IPO8: variants seen among roughly 807,000 people sequenced by gnomAD.
IPO8 encodes the protein importin-8.
A neutral mutation model predicts 141.2 loss-of-function variants in IPO8; 65 were observed. The ratio of observed to expected loss-of-function variants is 0.46; its 90% CI spans 0.38 to 0.57. The LOEUF (loss-of-function observed/expected upper bound fraction) is 0.57, where lower values mean the gene tolerates loss of function less well. Ranked by LOEUF, IPO8 falls within the 20% of genes least tolerant of loss-of-function variation. The pLI is 0.00. For synonymous variants in IPO8, 411 were observed against 420.3 expected, an observed-to-expected ratio of 0.98 and a Z score of 0.27; for missense variants, 980 against 1,246.8, an observed-to-expected ratio of 0.79 and a Z score of 3.22.
intron 11 of IPO8, 52 bp from the exon 12 acceptor site, chr12:30,665,897 T>C (rs772533838): frequency 8.3e-5 from 101 of 1,220,094 alleles, no homozygotes; most frequent in Non-Finnish European, 1.1e-4. Flanking sequence ...ATTGTCTTAC[T>C]ATAGTATTAA....
intron 1 of IPO8, among the ~76,000 whole-genome samples, chr12:30,693,422 A>G (rs1324930857): frequency 6.6e-6 from 1 of 152,242 alleles, no homozygotes; most frequent in Non-Finnish European, 1.5e-5. Flanking sequence ...GCTGTGGTGC[A>G]GAAGCTGCTT....
At chr12:30,682,941 C>G (rs1448556247) in intron 3 of IPO8, among the ~76,000 whole-genome samples, 1 of 151,924 alleles carries the variant, frequency 6.6e-6, no homozygotes, top group Admixed American at 6.6e-5. Context: ...CACAGAGAAC[C>G]GTCCCGTAAT....
chr12:30,646,088 T>A (rs1329527656), intron 20 of IPO8, among the ~76,000 whole-genome samples: 2 of 152,196 alleles, frequency 1.3e-5, no homozygotes, highest in African/African-American at 4.8e-5. Flanking sequence ...ATATATATTA[T>A]GCACATAGAC....
intron 2 of IPO8, among the ~76,000 whole-genome samples, chr12:30,690,058 T>G (rs2053276967): frequency 6.6e-6 from 1 of 152,238 alleles, no homozygotes; most frequent in African/African-American, 2.4e-5. Context: ...AACATAGTCC[T>G]GCTCCGCAGT....
intron 20 of IPO8, among the ~76,000 whole-genome samples, chr12:30,647,112 A>AT (rs1449999635): frequency 6.6e-6 from 1 of 152,232 alleles, no homozygotes; most frequent in Non-Finnish European, 1.5e-5. Context: ...ATAAGAACAG[A>AT]TAAGTACATA....
At chr12:30,634,400 C>A in intron 22 of IPO8, 114 bp from the exon 23 acceptor site, 1 of 747,582 alleles carries the variant, frequency 1.3e-6, no homozygotes. Flanking sequence ...AAAAATCTTC[C>A]ACAAAATTTT....
At chr12:30,641,777 T>C (rs1591823499) in intron 20 of IPO8, among the ~76,000 whole-genome samples, 1 of 152,208 alleles carries the variant, frequency 6.6e-6, no homozygotes, top group East Asian at 1.9e-4. Flanking sequence ...AGACTAAATG[T>C]ATCCATTAAT....
intron 21 of IPO8, among the ~76,000 whole-genome samples, chr12:30,638,562 T>C (rs571332201): frequency 6.1e-4 from 93 of 152,166 alleles, no homozygotes; most frequent in African/African-American, 3.1e-4. Context: ...AGATATTAGA[T>C]AGTGTTTTAA....
Position 30,674,054 on chromosome 12 carries a change from A to G in IPO8, c.845T>C (p.Val282Ala). Residue 282 changes from valine to alanine, a missense_variant, in exon 8 of 25, where the codon GTC (valine) becomes GCC (alanine). By Grantham distance (64) the Val-to-Ala change is moderately conservative. Transcript: ENST00000256079. Reference protein sequence around the residue: ...LFERYGSPGNVTKEYFEFSEF... With the variant: ...LFERYGSPGNATKEYFEFSEF... ...AGAAAATTCAAAGTATTCTTTTGTG[A>G]CATTTCCTGGGCTTCCATATCTTAA... 1 of 1,586,874 alleles carries G rather than the reference A, an allele frequency of 6.3e-7. No homozygotes were observed. Among genetic ancestry groups the G allele is most frequent in the South Asian group, 1.1e-5 (1 of 87,316 alleles).
intron 3 of IPO8, among the ~76,000 whole-genome samples, chr12:30,683,838 C>T (rs1294556929): frequency 6.6e-6 from 1 of 152,158 alleles, no homozygotes; most frequent in Non-Finnish European, 1.5e-5. Context: ...TATACCTACT[C>T]TATCCTGTCT....
intron 2 of IPO8, among the ~76,000 whole-genome samples, chr12:30,689,188 T>TA (rs2053269186): frequency 6.6e-6 from 1 of 152,242 alleles, no homozygotes; most frequent in African/African-American, 2.4e-5. Flanking sequence ...TTGGGTGTAT[T>TA]AAGAACAATG....
intron 19 of IPO8, among the ~76,000 whole-genome samples, chr12:30,651,092 G>A (rs1367578327): frequency 6.6e-6 from 1 of 152,030 alleles, no homozygotes; most frequent in Admixed American, 6.6e-5. Flanking sequence ...TACTATATCT[G>A]CAAATACACA....
chr12:30,658,150 A>C (rs1313304888), intron 16 of IPO8, among the ~76,000 whole-genome samples: 1 of 152,216 alleles, frequency 6.6e-6, no homozygotes, highest in East Asian at 1.9e-4. Flanking sequence ...GGTTCAAATG[A>C]TCCAAAATTT....
chr12:30,684,930 A>G (rs2053225050), intron 2 of IPO8, among the ~76,000 whole-genome samples: 1 of 152,142 alleles, frequency 6.6e-6, no homozygotes, highest in Non-Finnish European at 1.5e-5. Context: ...AATATGTACT[A>G]CTTGTAAATA....
chr12:30,641,365 GAGA>G (rs917047857), intron 20 of IPO8, among the ~76,000 whole-genome samples: 9 of 152,050 alleles, frequency 5.9e-5, no homozygotes, highest in Admixed American at 2.6e-4. Flanking sequence ...GGAAGAAATG[GAGA>G]AGAAGAAGAA....
chr12:30,681,325 G>T (rs934660860), intron 4 of IPO8, among the ~76,000 whole-genome samples: 2 of 152,014 alleles, frequency 1.3e-5, no homozygotes, highest in African/African-American at 4.8e-5. Flanking sequence ...TAAATGTTTT[G>T]GTTTACTTAA....
intron 24 of IPO8, 30 bp from the exon 25 acceptor site, chr12:30,630,987 GA>G (rs749996419): frequency 6.6e-5 from 100 of 1,512,378 alleles, no homozygotes; most frequent in Admixed American, 9.3e-5. Context: ...AAGGGGAGAA[GA>G]AAAAAAAAGA....
intron 5 of IPO8, among the ~76,000 whole-genome samples, chr12:30,679,819 A>C (rs966566195): frequency 1.3e-5 from 2 of 152,226 alleles, no homozygotes; most frequent in African/African-American, 4.8e-5. Flanking sequence ...TTCATTCATC[A>C]AACAGTTAAG....
At chr12:30,633,065 A>G (rs1411368960) in intron 23 of IPO8, among the ~76,000 whole-genome samples, 2 of 152,150 alleles carry the variant, frequency 1.3e-5, no homozygotes, top group Admixed American at 6.5e-5. Flanking sequence ...CACATCCTCC[A>G]TATTTCCATC....
Sources: gnomAD v4.1 joint callset for allele counts (sites outside exome capture counted in the v4.1 genomes callset) on GRCh38, gnomAD v4.1.1 for gene constraint, MANE v1.5 for transcripts, NCBI Gene and HGNC (gene_info 2026-07-23, HGNC 2026-07-21) for gene names.